Variants in RUNX3 observed in about 807,000 individuals in gnomAD.
RUNX3 encodes runt-related transcription factor 3.
Under a neutral mutation model 27.7 loss-of-function variants are expected in RUNX3, and 10 were observed. The observed-to-expected ratio is 0.36, with a 90% CI of 0.22 to 0.61. The LOEUF is 0.61. Ranked by LOEUF, RUNX3 falls within the 20% of genes least tolerant of loss-of-function variation. The pLI, the probability that RUNX3 is intolerant of heterozygous loss-of-function variation, is 0.72. For synonymous variants in RUNX3, 270 were observed against 269.2 expected (o/e 1.00, Z -0.03); for missense variants, 469 against 629.5 (o/e 0.75, Z 2.73).
intron 3 of RUNX3, among the ~76,000 whole-genome samples, chr1:24,913,239 G>C (rs1339503762): frequency 2.0e-5 from 3 of 152,244 alleles, no homozygotes; most frequent in African/African-American, 4.8e-5. Flanking sequence ...TCCAGCTGCT[G>C]GGCTCAGATC....
rs1051275872 is a variant in RUNX3, at chr1:24,929,282, C to T, written c.282+305G>A. On this transcript the variant is annotated intron_variant, in intron 1 of 4. Coordinates refer to ENST00000308873, the MANE Select transcript of RUNX3 (RefSeq NM_004350.3). ...CGTTACCCGCAGGGCTGTATCTGAG[C>T]GATCCGGGTTAGGGGGGCGCAAAAC... 4.8e-6 allele frequency: 3 copies of T among 623,738 alleles called. No homozygotes were observed. In the African/African-American group the frequency reaches 5.4e-5, roughly 11 times the overall value. The allele number at this position is 623,738 out of a possible 1,614,324, so 38.6% of individuals were successfully genotyped here. A position where few individuals can be genotyped will look rare whatever the true frequency, so the allele number is the denominator to read the frequency against.
At chr1:24,926,485 G>A (rs554262551) in intron 2 of RUNX3, among the ~76,000 whole-genome samples, 2 of 152,318 alleles carry the variant, frequency 1.3e-5, no homozygotes, top group East Asian at 3.9e-4. Context: ...GTTATTACAT[G>A]CAAATAATGT....
At chr1:24,929,556 G>C in intron 1 of RUNX3, 31 bp downstream of exon 1, 2 of 1,542,070 alleles carry the variant, frequency 1.3e-6, no homozygotes, top group Non-Finnish European at 8.6e-7. Context: ...CCCCAGGGCC[G>C]GCGCCCTCCC....
At chr1:24,952,491 G>A (rs1641791140) in intron 2 of RUNX3, among the ~76,000 whole-genome samples, 1 of 152,218 alleles carries the variant, frequency 6.6e-6, no homozygotes, top group South Asian at 2.1e-4. Flanking sequence ...TTTGACCACA[G>A]AGTTCCATTA....
At chr1:24,958,294 G>A (rs1190857383) in intron 2 of RUNX3, among the ~76,000 whole-genome samples, 1 of 152,254 alleles carries the variant, frequency 6.6e-6, no homozygotes, top group Non-Finnish European at 1.5e-5. Context: ...CAGCTACCAT[G>A]CAGTTTAAGC....
At position 24,908,158 on chromosome 1, in the gene RUNX3, C is replaced by T. The variant is rs1024512912; in HGVS notation, c.545-741G>A. On this transcript the variant is annotated intron_variant, in intron 3 of 4. Transcript: ENST00000308873. ...TGACACGCGGTGATCCGAACCTCTACGACACGCGGTGATCCGAAGCTCTAC... is the reference window on the plus strand; with the variant it reads ...TGACACGCGGTGATCCGAACCTCTATGACACGCGGTGATCCGAAGCTCTAC... Among the ~76,000 whole-genome samples, 32 of 130,120 alleles carry T rather than the reference C, an allele frequency of 2.5e-4. 1 individual carries two copies. The highest frequency in any genetic ancestry group is 4.3e-4 in the East Asian group (2 of 4,688). The allele number at this position is 130,120 out of a possible 152,430, so 85.4% of individuals were successfully genotyped here.
Position 24,923,870 on chromosome 1 carries a change from G to A in RUNX3, c.439+3704C>T, listed in dbSNP as rs1641046665. On this transcript the variant is annotated intron_variant, in intron 2 of 4. Transcript: ENST00000308873. This position sits in a 1 kb window ranked among gnomAD's most constrained non-coding sequence, Gnocchi z 5.9. The stretch of plus-strand genomic sequence containing the variant: ...AGTTGATCACAGCTCGAGAGCTCAT[G>A]TGCTTTTCATTTTCACTTAGGCCAG... 6.6e-6 allele frequency among the ~76,000 whole-genome samples: 1 copy of A among 152,180 alleles called. No individual in the cohort carries two copies. Among genetic ancestry groups the A allele is most frequent in the South Asian group, 2.1e-4 (1 of 4,830 alleles).
At chr1:24,929,044 C>A (rs12093025) in intron 1 of RUNX3, 4 of 457,100 alleles carry the variant, frequency 8.8e-6, no homozygotes, top group Non-Finnish European at 1.8e-5. Flanking sequence ...ACTCGCCATT[C>A]GGGACGCATA....
chr1:24,961,592 C>T (rs540913690), intron 2 of RUNX3: 2 of 152,296 alleles, frequency 1.3e-5, no homozygotes, highest in Admixed American at 6.5e-5. Flanking sequence ...GCTTCCCTGG[C>T]AGCAGTCCCC....
At chr1:24,953,735 A>G (rs1641839334) in intron 2 of RUNX3, among the ~76,000 whole-genome samples, 1 of 152,226 alleles carries the variant, frequency 6.6e-6, no homozygotes. Flanking sequence ...CCAAAATCCA[A>G]AACTTTTTTA....
chr1:24,940,324 A>C (rs1294150251), intron 2 of RUNX3, among the ~76,000 whole-genome samples: 1 of 152,206 alleles, frequency 6.6e-6, no homozygotes, highest in Non-Finnish European at 1.5e-5. Flanking sequence ...TATTGAACAA[A>C]TGAGAGAGCG....
chr1:24,922,896 A>G (rs941494528), intron 2 of RUNX3, among the ~76,000 whole-genome samples: 1 of 151,708 alleles, frequency 6.6e-6, no homozygotes, highest in South Asian at 2.1e-4. Context: ...CACAATGCAT[A>G]TGCTTTTAAT....
At chr1:24,941,916 G>T (rs1218177297) in intron 2 of RUNX3, among the ~76,000 whole-genome samples, 1 of 152,222 alleles carries the variant, frequency 6.6e-6, no homozygotes, top group Non-Finnish European at 1.5e-5. Context: ...TCTGTCATTT[G>T]CTGTTGGCAT....
At chr1:24,950,240 C>T (rs949326550) in intron 2 of RUNX3, among the ~76,000 whole-genome samples, 17 of 152,230 alleles carry the variant, frequency 1.1e-4, no homozygotes, top group African/African-American at 3.6e-4. Context: ...CAATGTCACA[C>T]GTACTTGGAC....
chr1:24,930,587 C>T (rs1308474988), upstream of RUNX3, among the ~76,000 whole-genome samples: 1 of 152,184 alleles, frequency 6.6e-6, no homozygotes, highest in African/African-American at 2.4e-5. This position sits in a 1 kb window ranked among gnomAD's most constrained non-coding sequence, Gnocchi z 4.1. Flanking sequence ...CGGGTCGTAG[C>T]TCCCTGACGC....
intron 2 of RUNX3, among the ~76,000 whole-genome samples, chr1:24,956,642 G>A (rs561037790): frequency 6.6e-6 from 1 of 152,304 alleles, no homozygotes; most frequent in South Asian, 2.1e-4. Flanking sequence ...TACGTCAGCA[G>A]GCCTCCCCTC....
intron 2 of RUNX3, among the ~76,000 whole-genome samples, chr1:24,938,690 C>T (rs1279011922): frequency 6.6e-6 from 1 of 152,098 alleles, no homozygotes; most frequent in Non-Finnish European, 1.5e-5. Context: ...CAGTGGGGGG[C>T]CTTTCGGGAA....
upstream of RUNX3, among the ~76,000 whole-genome samples, chr1:24,931,688 A>C (rs1641232117): frequency 6.6e-6 from 1 of 152,120 alleles, no homozygotes; most frequent in Admixed American, 6.5e-5. Context: ...ACCCCTGCTC[A>C]GCGCGCGCCA....
intron 4 of RUNX3, 78 bp downstream of exon 4, chr1:24,907,181 G>T: frequency 1.4e-6 from 2 of 1,445,786 alleles, no homozygotes; most frequent in Non-Finnish European, 1.9e-6. Flanking sequence ...ACAGGCTTTT[G>T]GTCTGGGGCA....
Sources: allele counts gnomAD v4.1 joint callset (sites outside exome capture counted in the v4.1 genomes callset), GRCh38; gene constraint gnomAD v4.1.1; non-coding constraint Gnocchi (gnomAD v3.1); transcripts MANE v1.5; gene names NCBI Gene and HGNC (gene_info 2026-07-23, HGNC 2026-07-21).